The following RYR3 variants were observed in gnomAD, a reference collection of about 807,000 sequenced individuals.
RYR3 encodes the protein ryanodine receptor 3.
Under a neutral mutation model 584.3 loss-of-function variants are expected in RYR3, and 207 were observed. The observed-to-expected ratio is 0.35, with a 90% CI of 0.32 to 0.40. The LOEUF is 0.40. Among genes scored for constraint, RYR3 ranks in the 10% least tolerant of loss-of-function variants. The pLI, the probability that RYR3 is intolerant of heterozygous loss-of-function variation, is 1.00. For missense variants in RYR3, 5,616 were observed against 6,089.2 expected (o/e 0.92, Z 2.59); for synonymous variants, 2,416 against 2,248.5 (o/e 1.07, Z -2.11).
chr15:33,338,147 G>T (rs1328744539), intron 1 of RYR3, among the ~76,000 whole-genome samples: 1 of 151,934 alleles, frequency 6.6e-6, no homozygotes, highest in Non-Finnish European at 1.5e-5. Context: ...GGGTTTCACT[G>T]TGTTAGCCGG....
intron 42 of RYR3, among the ~76,000 whole-genome samples, chr15:33,703,463 C>CT (rs1463066555): frequency 6.6e-6 from 1 of 152,210 alleles, no homozygotes; most frequent in Non-Finnish European, 1.5e-5. Context: ...CAGATGGCCA[C>CT]TGTTTTGCTG....
intron 57 of RYR3, among the ~76,000 whole-genome samples, chr15:33,753,352 A>T (rs796929543): frequency 7.2e-5 from 11 of 152,360 alleles, no homozygotes; most frequent in African/African-American, 2.2e-4. Context: ...GAGAGATTGA[A>T]TGCATCATGA....
intron 40 of RYR3, 22 bp from the exon 41 acceptor site, chr15:33,699,682 C>G: frequency 1.9e-6 from 3 of 1,608,848 alleles, no homozygotes; most frequent in Non-Finnish European, 2.6e-6. Context: ...TTTTGTCTGA[C>G]ACTTTCTACT....
chr15:33,706,395 C>A (rs1467908274), intron 42 of RYR3, among the ~76,000 whole-genome samples: 4 of 152,170 alleles, frequency 2.6e-5, no homozygotes, highest in African/African-American at 9.7e-5. Context: ...ATTCTTCCCT[C>A]CCCTCCCCCA....
Position 33,830,843 on chromosome 15 carries a change from C to A in RYR3, c.11335-120C>A. On this transcript the variant is annotated intron_variant, in intron 85 of 103. Coordinates refer to ENST00000634891, the MANE Select transcript of RYR3 (RefSeq NM_001036.6). Reference sequence around the variant, plus strand: ...CTGCACTTCTTCACAGGGTCCCTGGCTCCTGTCAGAGCAAAGAGGTCATAG... The same window carrying A: ...CTGCACTTCTTCACAGGGTCCCTGGATCCTGTCAGAGCAAAGAGGTCATAG... 3.0e-6 allele frequency: 3 copies of A among 991,030 alleles called. No homozygotes were observed. The East Asian group carries it at 7.9e-5, about 26-fold the overall frequency. 61.4% of individuals were successfully genotyped at this position (991,030 alleles called of 1,614,324 possible). A position where few individuals can be genotyped will look rare whatever the true frequency, so the allele number is the denominator to read the frequency against.
At chr15:33,475,182 T>C (rs1035842764) in intron 2 of RYR3, among the ~76,000 whole-genome samples, 1 of 152,226 alleles carries the variant, frequency 6.6e-6, no homozygotes, top group Non-Finnish European at 1.5e-5. Flanking sequence ...CAGTCACTCA[T>C]GTTTGCAATT....
intron 71 of RYR3, 164 bp from the exon 72 acceptor site, chr15:33,810,814 A>T: frequency 9.4e-7 from 1 of 1,059,284 alleles, no homozygotes. Flanking sequence ...CTGGTTTGGA[A>T]GTCCGTGTGT....
chr15:33,725,178 C>CACACACACACACACACACACACACATAT (rs2068268730), intron 45 of RYR3, among the ~76,000 whole-genome samples: 1 of 120,838 alleles, frequency 8.3e-6, no homozygotes, highest in Non-Finnish European at 1.9e-5. Context: ...CACACACACA[C>CACACACACACACACACACACACACATAT]ACACACACAC....
intron 37 of RYR3, among the ~76,000 whole-genome samples, chr15:33,669,857 G>GGGGGGGGGGGGGGT (rs1555401713): frequency 1.7e-5 from 1 of 60,254 alleles, no homozygotes; most frequent in Non-Finnish European, 3.1e-5. Flanking sequence ...GGGGGGGGGG[G>GGGGGGGGGGGGGGT]GTGTGGGTGT....
At chr15:33,435,013 G>A (rs1009725068) in intron 1 of RYR3, among the ~76,000 whole-genome samples, 2 of 151,970 alleles carry the variant, frequency 1.3e-5, no homozygotes, top group East Asian at 1.9e-4. Context: ...GTAGAGATGG[G>A]GTTTCACTGT....
At chr15:33,738,687 G>C (rs2069759927) in intron 50 of RYR3, 97 bp downstream of exon 50, 2 of 1,364,028 alleles carry the variant, frequency 1.5e-6, no homozygotes, top group East Asian at 2.3e-5. Context: ...CCATTTGCCA[G>C]GACCTGTGCT....
rs551932524 is a variant in RYR3, at chr15:33,422,234, A to G, written c.52-51185A>G. ...TTTTATTACTTGACACCTGGTATTC[A>G]TACTTAAACTTGGTGTCCACTGAAG... On this transcript the variant is annotated intron_variant, in intron 1 of 103. Coordinates refer to ENST00000634891, the MANE Select transcript of RYR3 (RefSeq NM_001036.6). 1.2e-4 allele frequency among the ~76,000 whole-genome samples: 19 copies of G among 152,146 alleles called. No homozygotes were observed. The South Asian group carries it at 4.0e-3, about 32-fold the overall frequency.
rs74764807 is a variant in RYR3, at chr15:33,498,394, A to G, written c.172-5237A>G. On this transcript the variant is annotated intron_variant, in intron 2 of 103. Transcript: ENST00000634891. Reference sequence around the variant, plus strand: ...TAGTAGGCATCTTAACTGGACTACTATCATTGTGGCTTTGATTTGCATTTC... The same window carrying G: ...TAGTAGGCATCTTAACTGGACTACTGTCATTGTGGCTTTGATTTGCATTTC... Among the ~76,000 whole-genome samples the G allele has an allele frequency of 8.6e-3, 1,310 of 152,282 alleles. 26 individuals are homozygous for G. The highest frequency in any genetic ancestry group is 0.03 in the African/African-American group (1,260 of 41,564).
At position 33,748,217 on chromosome 15, in the gene RYR3, A is replaced by G. The variant is rs2070936699; in HGVS notation, c.8093A>G (p.Gln2698Arg). The G allele has an allele frequency of 6.2e-7, 1 of 1,613,876 alleles. No individual in the cohort carries two copies. The change falls in exon 54 of 104, where the codon CAG (glutamine) becomes CGG (arginine). Residue 2698 changes from glutamine (Q) to arginine (R), a missense_variant. Gln to Arg is a conservative substitution (Grantham distance 43). Coordinates refer to ENST00000634891, the MANE Select transcript of RYR3 (RefSeq NM_001036.6). ...AAAGAGGGAGAAGCTTTGGTTCAAC[A>G]GCGGGAAAATGAGAAGCTTCGAAGT... ...RTKEGEALVQQRENEKLRSVS... is the reference protein window; with the variant it reads ...RTKEGEALVQRRENEKLRSVS...
At chr15:33,640,046 C>A (rs1051810071) in intron 27 of RYR3, among the ~76,000 whole-genome samples, 1 of 144,158 alleles carries the variant, frequency 6.9e-6, no homozygotes, top group African/African-American at 2.6e-5. Context: ...AGGCACTCCC[C>A]TGAGGGACAT....
intron 53 of RYR3, 74 bp from the exon 54 acceptor site, chr15:33,748,040 T>C (rs1596409757): frequency 2.1e-6 from 3 of 1,447,246 alleles, no homozygotes; most frequent in Admixed American, 3.4e-5. Flanking sequence ...GGGATGCACC[T>C]TCCATGCGGA....
At chr15:33,528,828 C>T (rs564151155) in intron 3 of RYR3, among the ~76,000 whole-genome samples, 100 of 152,246 alleles carry the variant, frequency 6.6e-4, no homozygotes, top group African/African-American at 2.0e-3. Context: ...AAACATGACA[C>T]CCCCCTCCCC....
intron 24 of RYR3, among the ~76,000 whole-genome samples, chr15:33,633,614 T>C (rs1006098205): frequency 1.3e-5 from 2 of 152,200 alleles, no homozygotes; most frequent in African/African-American, 4.8e-5. Flanking sequence ...ATGTGCACAT[T>C]AGTTAATTCA....
chr15:33,634,793 G>A (rs1046423443), intron 25 of RYR3, 60 bp downstream of exon 25: 25 of 1,446,892 alleles, frequency 1.7e-5, no homozygotes, highest in Non-Finnish European at 2.2e-5. Context: ...TCTTCTTGGG[G>A]CATCCTAACT....
Sources: allele counts gnomAD v4.1 joint callset (sites outside exome capture counted in the v4.1 genomes callset), GRCh38; gene constraint gnomAD v4.1.1; transcripts MANE v1.5; gene names NCBI Gene and HGNC (gene_info 2026-07-23, HGNC 2026-07-21).